Variants in RIMS2 observed in about 807,000 individuals in gnomAD.
RIMS2 encodes regulating synaptic membrane exocytosis protein 2.
RIMS2 carries 59 observed loss-of-function variants against 174.4 expected under a neutral mutation model. The ratio of observed to expected loss-of-function variants is 0.34; its 90% confidence interval spans 0.27 to 0.42. RIMS2 has a LOEUF of 0.42. Ranked by LOEUF, RIMS2 falls within the 10% of genes least tolerant of loss-of-function variation. The pLI, the probability that RIMS2 is intolerant of heterozygous loss-of-function variation, is 1.00. For missense variants in RIMS2, 1,620 were observed against 1,666.3 expected (o/e 0.97, Z 0.48); for synonymous variants, 606 against 572.5 (o/e 1.06, Z -0.84).
intron 3 of RIMS2, among the ~76,000 whole-genome samples, chr8:103,778,883 C>T: frequency 6.6e-6 from 1 of 152,226 alleles, no homozygotes. Context: ...TATGAGAGTT[C>T]TCCTTTTTCC....
chr8:104,203,908 A>G (rs1397609457), intron 19 of RIMS2, among the ~76,000 whole-genome samples: 1 of 152,234 alleles, frequency 6.6e-6, no homozygotes, highest in East Asian at 1.9e-4. Flanking sequence ...GGTGACTTTT[A>G]TAAAGAATGG....
chr8:104,025,689 G>A (rs998497156), intron 19 of RIMS2, among the ~76,000 whole-genome samples: 1 of 147,572 alleles, frequency 6.8e-6, no homozygotes, highest in Non-Finnish European at 1.5e-5. Context: ...TGATCACCCT[G>A]AAGCAGTTGT....
At chr8:103,820,324 TTTAAG>T (rs1301310544) in intron 3 of RIMS2, among the ~76,000 whole-genome samples, 1 of 152,040 alleles carries the variant, frequency 6.6e-6, no homozygotes, top group Non-Finnish European at 1.5e-5. Context: ...TCTTTCCTCA[TTTAAG>T]TTGTTTGGCT....
intron 3 of RIMS2, among the ~76,000 whole-genome samples, chr8:103,846,157 T>C (rs944556353): frequency 1.3e-5 from 2 of 152,176 alleles, no homozygotes; most frequent in African/African-American, 2.4e-5. Context: ...AATCTTGATA[T>C]TTAATGAATA....
At chr8:103,913,660 T>C (rs1477955033) in intron 6 of RIMS2, among the ~76,000 whole-genome samples, 1 of 152,084 alleles carries the variant, frequency 6.6e-6, no homozygotes, top group Admixed American at 6.5e-5. Context: ...CAACATCTGC[T>C]TGGCTTCTGG....
At chr8:104,068,569 T>C in intron 19 of RIMS2, 1 of 1,573,526 alleles carries the variant, frequency 6.4e-7, no homozygotes, top group Non-Finnish European at 8.6e-7. Flanking sequence ...TACAAACAGG[T>C]AGCCGGATCA....
intron 1 of RIMS2, among the ~76,000 whole-genome samples, chr8:103,603,869 T>C (rs1313929469): frequency 1.3e-5 from 2 of 149,408 alleles, no homozygotes; most frequent in Non-Finnish European, 3.0e-5. Flanking sequence ...TGTAAATCTG[T>C]TTGAGTTCAT....
chr8:103,911,192 G>C, intron 5 of RIMS2, among the ~76,000 whole-genome samples: 1 of 152,082 alleles, frequency 6.6e-6, no homozygotes, highest in East Asian at 1.9e-4. Context: ...AGATATGCCT[G>C]TTACTTTTTG....
chr8:103,863,076 A>G (rs1215526961), intron 3 of RIMS2, among the ~76,000 whole-genome samples: 4 of 152,138 alleles, frequency 2.6e-5, no homozygotes, highest in Admixed American at 2.6e-4. Context: ...ACTTTTCCCC[A>G]TTCACTATGA....
chr8:103,747,249 C>T (rs1421240746), intron 2 of RIMS2, among the ~76,000 whole-genome samples: 2 of 128,430 alleles, frequency 1.6e-5, no homozygotes, highest in Non-Finnish European at 3.3e-5. Flanking sequence ...CCCCTCCCCC[C>T]ACCCCACAAC....
intron 3 of RIMS2, 92 bp downstream of exon 6, chr8:103,766,629 T>A: frequency 1.2e-6 from 1 of 816,974 alleles, no homozygotes; most frequent in Non-Finnish European, 1.9e-6. Context: ...TAGGCAATGG[T>A]GAGTTGTCTA....
intron 12 of RIMS2, among the ~76,000 whole-genome samples, chr8:103,932,500 A>T (rs1362047430): frequency 6.6e-6 from 1 of 152,206 alleles, no homozygotes; most frequent in Non-Finnish European, 1.5e-5. Flanking sequence ...TATCTTATAA[A>T]GTTTGATTAA....
chr8:103,864,296 T>G (rs1415528681), intron 3 of RIMS2, among the ~76,000 whole-genome samples: 1 of 152,218 alleles, frequency 6.6e-6, no homozygotes. Flanking sequence ...TTCTATCTTT[T>G]TGATGTAGGC....
intron 19 of RIMS2, among the ~76,000 whole-genome samples, chr8:104,146,065 T>C (rs2098636300): frequency 6.6e-6 from 1 of 151,574 alleles, no homozygotes; most frequent in Non-Finnish European, 1.5e-5. Flanking sequence ...CTTATAAAAC[T>C]TTTAATAACC....
intron 2 of RIMS2, among the ~76,000 whole-genome samples, chr8:103,752,185 C>T (rs891641466): frequency 5.3e-5 from 8 of 152,006 alleles, no homozygotes; most frequent in African/African-American, 1.9e-4. Flanking sequence ...CCAGTTTTCC[C>T]AGCACCATTT....
At chr8:103,857,654 A>T (rs576971138) in intron 3 of RIMS2, among the ~76,000 whole-genome samples, 1 of 152,192 alleles carries the variant, frequency 6.6e-6, no homozygotes, top group African/African-American at 2.4e-5. Flanking sequence ...TAAGTTTATC[A>T]TACAATTATT....
intron 1 of RIMS2, among the ~76,000 whole-genome samples, chr8:103,526,907 A>C (rs1834307439): frequency 6.6e-6 from 1 of 152,218 alleles, no homozygotes. Context: ...ATAAATTCAC[A>C]AAGTGCTGCA....
intron 1 of RIMS2, among the ~76,000 whole-genome samples, chr8:103,556,849 T>G (rs1389656480): frequency 2.0e-5 from 3 of 152,152 alleles, no homozygotes; most frequent in Non-Finnish European, 2.9e-5. Context: ...ATAGGTAGGT[T>G]TAATGACAAA....
intron 3 of RIMS2, chr8:103,819,299 C>A: frequency 7.2e-7 from 1 of 1,381,922 alleles, no homozygotes. Context: ...GAAAGCTGCA[C>A]GGGTACTGAA....
Sources: allele counts gnomAD v4.1 joint callset (sites outside exome capture counted in the v4.1 genomes callset), GRCh38; gene constraint gnomAD v4.1.1; transcripts MANE v1.5; gene names NCBI Gene and HGNC (gene_info 2026-07-23, HGNC 2026-07-21).